Variants in PHF24 observed in about 807,000 individuals in gnomAD.
The protein encoded by PHF24 is PHD finger protein 24.
In PHF24, 25 loss-of-function variants were observed where a neutral mutation model predicts 42.6. The ratio of observed to expected loss-of-function variants is 0.59; its 90% CI spans 0.43 to 0.82. The LOEUF (loss-of-function observed/expected upper bound fraction) is 0.82. Ranked by LOEUF, PHF24 falls within the 40% of genes least tolerant of loss-of-function variation. The pLI, the probability that PHF24 is intolerant of heterozygous loss-of-function variation, is 0.00. For missense variants in PHF24, 470 were observed against 538.1 expected, an observed-to-expected ratio of 0.87 and a Z score of 1.25; for synonymous variants, 185 against 204.8, an observed-to-expected ratio of 0.90 and a Z score of 0.83.
chr9:34,699,909 A>C, the PHF24 span, among the ~76,000 whole-genome samples: 2 of 152,246 alleles, frequency 1.3e-5, no homozygotes, highest in Non-Finnish European at 2.9e-5. Flanking sequence ...GCTATGAAGA[A>C]AAATAAAGAA....
upstream of PHF24, among the ~76,000 whole-genome samples, chr9:34,953,416 G>A (rs551247841): frequency 7.2e-5 from 11 of 152,272 alleles, no homozygotes; most frequent in South Asian, 6.2e-4. This position sits in a 1 kb window ranked among gnomAD's most constrained non-coding sequence, Gnocchi z 4.1. Context: ...GGGATTATAG[G>A]TGTGAGTCAC....
the PHF24 span, among the ~76,000 whole-genome samples, chr9:34,826,642 A>G: frequency 6.6e-6 from 1 of 152,124 alleles, no homozygotes; most frequent in Non-Finnish European, 1.5e-5. Flanking sequence ...CCCTCCTCCC[A>G]CTGCTGGTGG....
intron 1 of PHF24, among the ~76,000 whole-genome samples, chr9:34,970,689 G>C (rs16932101): frequency 0.021 from 3,273 of 152,294 alleles, 117 homozygotes; most frequent in African/African-American, 0.075. Context: ...TAAGCCTTGA[G>C]TCTTCTTGCA....
chr9:34,948,223 AAGAGT>A, the PHF24 span, among the ~76,000 whole-genome samples: 25,148 of 152,134 alleles, frequency 0.17, 2,496 homozygotes, highest in Non-Finnish European at 0.23. Flanking sequence ...ATGTTATTAC[AAGAGT>A]AAAGAAGTTT....
At chr9:34,837,582 G>A in the PHF24 span, 4 of 1,192,630 alleles carry the variant, frequency 3.4e-6, no homozygotes, top group Non-Finnish European at 4.8e-6. Context: ...TGGCTCCAGG[G>A]GTCATAGAGG....
At chr9:34,971,793 AAAT>A in intron 2 of PHF24, 117 bp downstream of exon 2, 2 of 1,184,006 alleles carry the variant, frequency 1.7e-6, no homozygotes, top group Non-Finnish European at 2.3e-6. Context: ...GAGTCCAAAA[AAAT>A]CTTTGAATTT....
At chr9:34,878,898 AACAG>A in the PHF24 span, among the ~76,000 whole-genome samples, 6 of 152,198 alleles carry the variant, frequency 3.9e-5, no homozygotes, top group African/African-American at 7.2e-5. Context: ...GAGATCTGAA[AACAG>A]ACAGACTGCC....
At chr9:34,949,292 C>T in the PHF24 span, among the ~76,000 whole-genome samples, 339 of 152,134 alleles carry the variant, frequency 2.2e-3, no homozygotes, top group African/African-American at 7.6e-3. Flanking sequence ...TCAAAACCAC[C>T]GTGAAATACC....
the PHF24 span, among the ~76,000 whole-genome samples, chr9:34,676,849 A>G: frequency 6.6e-6 from 1 of 152,132 alleles, no homozygotes; most frequent in Non-Finnish European, 1.5e-5. Context: ...ACACGCTCTT[A>G]AACAGCTAGA....
intron 1 of PHF24, 21 bp from the exon 2 acceptor site, chr9:34,971,274 C>T (rs1187199398): frequency 1.9e-6 from 3 of 1,571,036 alleles, no homozygotes; most frequent in Non-Finnish European, 2.6e-6. Context: ...GAACCTGTGC[C>T]CCTCTGCTTT....
exon 8 of PHF24, chr9:34,982,543 T>C (rs1827433410): frequency 6.6e-6 from 1 of 152,244 alleles, no homozygotes; most frequent in Non-Finnish European, 1.5e-5. Context: ...ATTGCGATGC[T>C]CTGTCGGCTT....
the PHF24 span, among the ~76,000 whole-genome samples, chr9:34,872,261 T>C: frequency 6.6e-6 from 1 of 151,650 alleles, no homozygotes; most frequent in Non-Finnish European, 1.5e-5. Flanking sequence ...ATTGTGCAGG[T>C]TAGTTACATA....
At chr9:34,812,687 C>T in the PHF24 span, among the ~76,000 whole-genome samples, 2 of 152,190 alleles carry the variant, frequency 1.3e-5, no homozygotes, top group Non-Finnish European at 2.9e-5. Flanking sequence ...CCCTGTCTGG[C>T]CCACTTTGAC....
chr9:34,726,302 C>T, the PHF24 span: 68 of 1,526,766 alleles, frequency 4.5e-5, no homozygotes, highest in Non-Finnish European at 5.5e-5. Context: ...CTCCTCCACA[C>T]GTCTTGGGAG....
At chr9:34,809,952 CAG>C in the PHF24 span, among the ~76,000 whole-genome samples, 1 of 134,018 alleles carries the variant, frequency 7.5e-6, no homozygotes, top group African/African-American at 2.6e-5. This position sits in a 1 kb window ranked among gnomAD's most constrained non-coding sequence, Gnocchi z 4.1. Flanking sequence ...GGGCGGAACG[CAG>C]CGCGCGCCCA....
the PHF24 span, among the ~76,000 whole-genome samples, chr9:34,854,489 A>T: frequency 6.6e-6 from 1 of 151,928 alleles, no homozygotes; most frequent in African/African-American, 2.4e-5. Flanking sequence ...TGTTCTCATT[A>T]GTTTCAAAAA....
chr9:34,771,800 G>C, the PHF24 span, among the ~76,000 whole-genome samples: 94 of 152,242 alleles, frequency 6.2e-4, no homozygotes, highest in African/African-American at 2.1e-3. Context: ...ACCAGGGCTC[G>C]AACCCAGAAT....
At chr9:34,980,543 T>G (rs1827353510) in exon 8 of PHF24, 2 of 152,320 alleles carry the variant, frequency 1.3e-5, no homozygotes. Flanking sequence ...AAAGGGGAAG[T>G]GCCGTTGCTC....
the PHF24 span, among the ~76,000 whole-genome samples, chr9:34,860,534 T>C: frequency 6.6e-6 from 1 of 152,230 alleles, no homozygotes; most frequent in Non-Finnish European, 1.5e-5. Flanking sequence ...TTTGTTGCCA[T>C]CATATGAACA....
Sources: allele counts gnomAD v4.1 joint callset (sites outside exome capture counted in the v4.1 genomes callset), GRCh38; gene constraint gnomAD v4.1.1; non-coding constraint Gnocchi (gnomAD v3.1); transcripts MANE v1.5; gene names NCBI Gene and HGNC (gene_info 2026-07-23, HGNC 2026-07-21).